ATG10: variants seen among roughly 807,000 people sequenced by gnomAD.
The protein encoded by ATG10 is autophagy related 10.
A neutral mutation model predicts 32.1 loss-of-function variants in ATG10; 30 were observed. The ratio of observed to expected loss-of-function variants is 0.94; its 90% CI spans 0.70 to 1.27. The LOEUF (loss-of-function observed/expected upper bound fraction) is 1.27, where lower values mean the gene tolerates loss of function less well. ATG10 is among the 50% of genes most tolerant of loss of function. The probability of loss-of-function intolerance (pLI) is 0.00; values close to 1 mark genes in which losing one functional copy is unlikely to be tolerated. For synonymous variants in ATG10, 87 were observed against 91.5 expected, an observed-to-expected ratio of 0.95 and a Z score of 0.28; for missense variants, 233 against 262.3, an observed-to-expected ratio of 0.89 and a Z score of 0.77.
At chr5:82,065,481 CAAA>C (rs770536685) in intron 3 of ATG10, among the ~76,000 whole-genome samples, 2 of 119,486 alleles carry the variant, frequency 1.7e-5, no homozygotes, top group Non-Finnish European at 1.8e-5. Flanking sequence ...GACATTGTCT[CAAA>C]AAAAAAAAAA....
Position 82,056,754 on chromosome 5 carries a change from C to T in ATG10, c.109-1741C>T, listed in dbSNP as rs1018045180. On this transcript the variant is annotated intron_variant, in intron 2 of 7. Coordinates refer to ENST00000282185, the MANE Select transcript of ATG10 (RefSeq NM_031482.5). The stretch of plus-strand genomic sequence containing the variant: ...TGCTCCTCTAAGGAACCATTCCCTT[C>T]TCAATCAGGAGAATTGAGGAGCAAT... Among the ~76,000 whole-genome samples, 32 of 152,146 alleles carry T rather than the reference C, an allele frequency of 2.1e-4. 2 individuals carry two copies. The highest frequency in any genetic ancestry group is 5.9e-5 in the Non-Finnish European group (4 of 68,026).
intron 4 of ATG10, among the ~76,000 whole-genome samples, chr5:82,170,189 T>C (rs1359382738): frequency 6.6e-6 from 1 of 152,118 alleles, no homozygotes; most frequent in Non-Finnish European, 1.5e-5. Context: ...TAAGCGACTG[T>C]ATTTTAGCTT....
intron 5 of ATG10, among the ~76,000 whole-genome samples, chr5:82,199,545 G>A (rs112817927): frequency 6.6e-6 from 1 of 152,138 alleles, no homozygotes; most frequent in African/African-American, 2.4e-5. Context: ...TATTTTACCT[G>A]ATATCAATAT....
intron 3 of ATG10, among the ~76,000 whole-genome samples, chr5:82,125,259 T>G (rs1289257801): frequency 1.3e-5 from 2 of 152,236 alleles, no homozygotes; most frequent in Non-Finnish European, 2.9e-5. Context: ...TGATGATAAT[T>G]TCTTTTGTGG....
intron 3 of ATG10, among the ~76,000 whole-genome samples, chr5:82,094,530 ATAG>A (rs936082596): frequency 6.6e-6 from 1 of 152,162 alleles, no homozygotes; most frequent in Non-Finnish European, 1.5e-5. Context: ...ACAATTTAAA[ATAG>A]TTATTTGATG....
chr5:82,233,944 C>G (rs1372333203), intron 5 of ATG10, among the ~76,000 whole-genome samples: 1 of 152,168 alleles, frequency 6.6e-6, no homozygotes, highest in Non-Finnish European at 1.5e-5. Flanking sequence ...TTAGACCCTG[C>G]AGCTTATACA....
intron 3 of ATG10, among the ~76,000 whole-genome samples, chr5:82,064,996 T>C (rs2149759456): frequency 6.6e-6 from 1 of 152,348 alleles, no homozygotes; most frequent in East Asian, 1.9e-4. Context: ...ATGTTCTGGC[T>C]TTTGTTAAGT....
At chr5:82,002,429 A>C (rs766420643) in intron 2 of ATG10, among the ~76,000 whole-genome samples, 1 of 152,224 alleles carries the variant, frequency 6.6e-6, no homozygotes, top group Admixed American at 6.5e-5. Context: ...AGAAAGCATG[A>C]TACACATACA....
chr5:82,176,154 C>T (rs556741658), intron 4 of ATG10, among the ~76,000 whole-genome samples: 1 of 152,288 alleles, frequency 6.6e-6, no homozygotes, highest in Non-Finnish European at 1.5e-5. Context: ...TTCTCTAGGT[C>T]TGAAAAGCTT....
intron 3 of ATG10, among the ~76,000 whole-genome samples, chr5:82,127,380 A>G (rs141771381): frequency 9.2e-5 from 14 of 152,034 alleles, no homozygotes; most frequent in South Asian, 4.1e-4. Flanking sequence ...ATGTTAAGGT[A>G]TCAGTTTTAG....
At chr5:82,096,025 A>G (rs1010368070) in intron 3 of ATG10, among the ~76,000 whole-genome samples, 1 of 152,178 alleles carries the variant, frequency 6.6e-6, no homozygotes, top group African/African-American at 2.4e-5. Context: ...TGCATTAAAT[A>G]TAATTGCGTG....
rs1747447878 is a variant in ATG10 at position 82,256,079 on chromosome 5, G to A, written c.*2016G>A. ...AATGTAAACACAGATTTCTCAGCAA[G>A]TCATTTCTCAAGCCATGTCATTTCT... On this transcript the variant is annotated 3_prime_UTR_variant, in exon 8 of 8. Coordinates refer to ENST00000282185, the MANE Select transcript of ATG10 (RefSeq NM_031482.5). 1 of 152,154 alleles carries A rather than the reference G, an allele frequency of 6.6e-6. No homozygotes were observed. The highest frequency in any genetic ancestry group is 6.5e-5 in the Admixed American group (1 of 15,280). 9.4% of individuals were successfully genotyped at this position (152,154 alleles called of 1,614,324 possible).
chr5:82,123,929 C>G (rs1421836501), intron 3 of ATG10, among the ~76,000 whole-genome samples: 1 of 151,990 alleles, frequency 6.6e-6, no homozygotes, highest in Non-Finnish European at 1.5e-5. Flanking sequence ...GAGCAAGACC[C>G]TGTTTCAAAA....
intron 5 of ATG10, among the ~76,000 whole-genome samples, chr5:82,230,783 C>T (rs1746337939): frequency 6.8e-6 from 1 of 146,342 alleles, no homozygotes; most frequent in African/African-American, 2.5e-5. Flanking sequence ...ATCTAAATGT[C>T]TAACCATGGA....
At chr5:82,135,463 G>T (rs1292317971) in intron 3 of ATG10, among the ~76,000 whole-genome samples, 2 of 152,082 alleles carry the variant, frequency 1.3e-5, no homozygotes, top group African/African-American at 4.8e-5. Flanking sequence ...TAATTTATTT[G>T]TGCCTTAATT....
chr5:82,114,959 G>C (rs1259792723), intron 3 of ATG10, among the ~76,000 whole-genome samples: 1 of 152,032 alleles, frequency 6.6e-6, no homozygotes, highest in African/African-American at 2.4e-5. Context: ...AATGTGGCTA[G>C]TATGACTGAG....
intron 4 of ATG10, among the ~76,000 whole-genome samples, chr5:82,170,683 C>T (rs1286400372): frequency 6.6e-6 from 1 of 152,086 alleles, no homozygotes; most frequent in African/African-American, 2.4e-5. Context: ...CGGTGGCTCA[C>T]ACCTGTAATC....
intron 3 of ATG10, chr5:82,147,232 G>C: frequency 4.3e-6 from 1 of 234,230 alleles, no homozygotes; most frequent in Non-Finnish European, 8.7e-6. Flanking sequence ...GCAGTTGCGT[G>C]ATCTCAGCTC....
chr5:82,072,537 G>C (rs1322484275), intron 3 of ATG10, among the ~76,000 whole-genome samples: 1 of 152,138 alleles, frequency 6.6e-6, no homozygotes, highest in Non-Finnish European at 1.5e-5. Context: ...ATTTTACTCT[G>C]TAGAAAGGCT....
Sources: allele counts gnomAD v4.1 joint callset (sites outside exome capture counted in the v4.1 genomes callset), GRCh38; gene constraint gnomAD v4.1.1; transcripts MANE v1.5; gene names NCBI Gene and HGNC (gene_info 2026-07-23, HGNC 2026-07-21).